EBF1: variants seen among roughly 807,000 people sequenced by gnomAD.
EBF1 encodes the protein EBF transcription factor 1.
In EBF1, 10 loss-of-function variants were observed where a neutral mutation model predicts 68.4. That is an observed-to-expected ratio of 0.15 (90% CI 0.09 to 0.25). The LOEUF (loss-of-function observed/expected upper bound fraction) is 0.25. Among genes scored for constraint, EBF1 ranks in the 10% least tolerant of loss-of-function variants. EBF1 has a pLI of 1.00. For synonymous variants in EBF1, 298 were observed against 299.8 expected (o/e 0.99, Z 0.06); for missense variants, 509 against 794.4 (o/e 0.64, Z 4.32).
At chr5:159,011,886 T>C (rs1315994080) in intron 6 of EBF1, among the ~76,000 whole-genome samples, 2 of 152,248 alleles carry the variant, frequency 1.3e-5, no homozygotes, top group African/African-American at 2.4e-5. Context: ...ATAGCCTTTG[T>C]GGAGCCTTTT....
In EBF1 at chr5:158,987,036, A is replaced by G. The variant is rs1255775502; in HGVS notation, c.554+86360T>C. 7.2e-5 allele frequency: 11 copies of G among 152,242 alleles called. 1 individual carries two copies. The highest frequency in any genetic ancestry group is 7.2e-4 in the Admixed American group (11 of 15,286). The allele number at this position is 152,242 out of a possible 1,614,324, so 9.4% of individuals were successfully genotyped here. A position where few individuals can be genotyped will look rare whatever the true frequency, so the allele number is the denominator to read the frequency against. ...TTTCAGCTTCCACATTTTTAACCCT[A>G]CATCTGCTGTGGAGCTTCCAACCCT... On this transcript the variant is annotated intron_variant, in intron 6 of 15. Coordinates refer to ENST00000313708, the MANE Select transcript of EBF1 (RefSeq NM_024007.5).
intron 6 of EBF1, among the ~76,000 whole-genome samples, chr5:158,856,556 C>A (rs1794046398): frequency 6.6e-6 from 1 of 152,090 alleles, no homozygotes. Flanking sequence ...CCAAAGTAGC[C>A]TAACTGAATA....
intron 10 of EBF1, among the ~76,000 whole-genome samples, chr5:158,756,727 A>T (rs1184581299): frequency 6.6e-6 from 1 of 151,904 alleles, no homozygotes; most frequent in Non-Finnish European, 1.5e-5. Flanking sequence ...AATGAATGAA[A>T]GAATGAACAA....
At chr5:158,880,352 C>T (rs1328656065) in intron 6 of EBF1, among the ~76,000 whole-genome samples, 4 of 152,112 alleles carry the variant, frequency 2.6e-5, no homozygotes, top group African/African-American at 9.7e-5. Flanking sequence ...GAGAGCTCAA[C>T]ATTAATGACT....
At chr5:158,760,360 A>AC (rs1771140411) in intron 10 of EBF1, among the ~76,000 whole-genome samples, 8 of 152,172 alleles carry the variant, frequency 5.3e-5, no homozygotes, top group Admixed American at 5.2e-4. Context: ...AACAGCCAAG[A>AC]CAGGAATTCC....
chr5:158,775,930 T>C (rs1775143170), intron 10 of EBF1, among the ~76,000 whole-genome samples: 1 of 152,162 alleles, frequency 6.6e-6, no homozygotes, highest in Non-Finnish European at 1.5e-5. Context: ...AAACTTACGC[T>C]GAACCAATGA....
intron 9 of EBF1, among the ~76,000 whole-genome samples, chr5:158,781,235 T>G (rs1776394024): frequency 6.6e-6 from 1 of 152,236 alleles, no homozygotes; most frequent in African/African-American, 2.4e-5. Context: ...AACCAATCTC[T>G]TATACTTATA....
intron 6 of EBF1, among the ~76,000 whole-genome samples, chr5:158,888,267 T>C (rs1359548540): frequency 6.6e-6 from 1 of 152,054 alleles, no homozygotes; most frequent in Non-Finnish European, 1.5e-5. Flanking sequence ...TGTGTGTGTG[T>C]GTGCGTGCGT....
intron 6 of EBF1, among the ~76,000 whole-genome samples, chr5:159,036,468 T>C (rs1347894831): frequency 7.0e-6 from 1 of 142,264 alleles, no homozygotes; most frequent in East Asian, 2.1e-4. Flanking sequence ...TATAGATCAA[T>C]GGAACAGAAC....
At chr5:158,959,870 G>A (rs1020143158) in intron 6 of EBF1, among the ~76,000 whole-genome samples, 1 of 152,106 alleles carries the variant, frequency 6.6e-6, no homozygotes, top group African/African-American at 2.4e-5. Context: ...TACAGCCATA[G>A]CAATTAAAAT....
intron 6 of EBF1, among the ~76,000 whole-genome samples, chr5:158,935,182 C>T (rs113768035): frequency 2.0e-5 from 3 of 152,318 alleles, no homozygotes; most frequent in Admixed American, 1.3e-4. Flanking sequence ...TCCAGCTCCC[C>T]GCCCCTCATC....
chr5:158,845,299 T>A (rs1310150140), intron 6 of EBF1, among the ~76,000 whole-genome samples: 1 of 152,178 alleles, frequency 6.6e-6, no homozygotes, highest in Non-Finnish European at 1.5e-5. Flanking sequence ...CATTAAAACA[T>A]GAGAATAATA....
At chr5:158,809,875 A>G (rs1180718859) in intron 8 of EBF1, among the ~76,000 whole-genome samples, 1 of 152,200 alleles carries the variant, frequency 6.6e-6, no homozygotes, top group African/African-American at 2.4e-5. Flanking sequence ...GGTCTTCACT[A>G]TAGAATGTTG....
chr5:159,024,548 G>A (rs2127724045), intron 6 of EBF1, among the ~76,000 whole-genome samples: 1 of 152,288 alleles, frequency 6.6e-6, no homozygotes, highest in Non-Finnish European at 1.5e-5. Flanking sequence ...CCTAATGTTA[G>A]GCTCTTTCCA....
At position 158,712,169 on chromosome 5, in the gene EBF1, T is replaced by G. The variant is rs745516757; in HGVS notation, c.1534A>C (p.Asn512His). Residue 512 changes from asparagine to histidine, a missense_variant, in exon 14 of 16, where the codon AAC becomes CAC. This residue lies in a region of EBF1 where 205 missense variants were observed against 247.4 expected (regional missense o/e 0.83). Coordinates refer to ENST00000313708, the MANE Select transcript of EBF1 (RefSeq NM_024007.5). The stretch of plus-strand genomic sequence containing the variant: ...CTCTACTTACTGGCATAGGGGGAGT[T>G]GGCAGCTGAGCCGTTGAGGAAGGTG... ...SPTFLNGSAA[N>H]SPYAIVPSSP... The G allele has an allele frequency of 9.3e-6, 15 of 1,613,720 alleles. No homozygotes were observed. Among genetic ancestry groups the G allele is most frequent in the Non-Finnish European group, 1.3e-5 (15 of 1,179,924 alleles).
chr5:158,799,903 C>T lies in EBF1; in HGVS notation c.779-3428G>A, dbSNP rs182330890. ...AAACGAATTCAGTATTTTTTTAATG[C>T]GTAGGCCAAACAAAATGTTTGTGGG... is the stretch of plus-strand genomic sequence containing the variant. On this transcript the variant is annotated intron_variant, in intron 8 of 15. Coordinates refer to ENST00000313708, the MANE Select transcript of EBF1 (RefSeq NM_024007.5). 3.3e-5 allele frequency among the ~76,000 whole-genome samples: 5 copies of T among 152,064 alleles called. No homozygotes were observed. The East Asian group carries it at 9.7e-4, about 29-fold the overall frequency.
intron 6 of EBF1, among the ~76,000 whole-genome samples, chr5:158,917,110 A>G (rs1024545991): frequency 6.6e-6 from 1 of 152,212 alleles, no homozygotes; most frequent in African/African-American, 2.4e-5. Flanking sequence ...CTATAATAAA[A>G]ACTGTTAGCT....
chr5:158,765,531 A>G (rs947477995), intron 10 of EBF1, among the ~76,000 whole-genome samples: 1 of 152,200 alleles, frequency 6.6e-6, no homozygotes, highest in African/African-American at 2.4e-5. Flanking sequence ...GGCTGATCCC[A>G]GGTGGCTATG....
At chr5:158,847,156 A>G (rs895521330) in intron 6 of EBF1, among the ~76,000 whole-genome samples, 20 of 152,210 alleles carry the variant, frequency 1.3e-4, no homozygotes, top group African/African-American at 3.9e-4. Context: ...AACATGATCA[A>G]CCTGAAAAGC....
Sources: gnomAD v4.1 joint callset for allele counts (sites outside exome capture counted in the v4.1 genomes callset) on GRCh38, gnomAD v4.1.1 for gene constraint, gnomAD v4.1.1 regional missense constraint, MANE v1.5 for transcripts, NCBI Gene and HGNC (gene_info 2026-07-23, HGNC 2026-07-21) for gene names.